PDE1C: variants seen among roughly 807,000 people sequenced by gnomAD.
The protein encoded by PDE1C is phosphodiesterase 1C.
PDE1C carries 62 observed loss-of-function variants against 93.1 expected under a neutral mutation model. The ratio of observed to expected loss-of-function variants is 0.67; its 90% confidence interval spans 0.54 to 0.82. PDE1C has a LOEUF of 0.82. PDE1C is among the 40% of genes least tolerant of loss of function. The pLI, the probability that PDE1C is intolerant of heterozygous loss-of-function variation, is 0.00. For synonymous variants in PDE1C, 325 were observed against 310.1 expected, an observed-to-expected ratio of 1.05 and a Z score of -0.50; for missense variants, 742 against 884.6, an observed-to-expected ratio of 0.84 and a Z score of 2.04.
At chr7:32,119,442 C>A (rs1799166763) in intron 3 of PDE1C, among the ~76,000 whole-genome samples, 1 of 152,162 alleles carries the variant, frequency 6.6e-6, no homozygotes, top group Non-Finnish European at 1.5e-5. Context: ...TACAGCAAGG[C>A]TGGTAAACTT....
At chr7:31,663,683 T>C in the PDE1C span, among the ~76,000 whole-genome samples, 19 of 152,342 alleles carry the variant, frequency 1.2e-4, no homozygotes, top group East Asian at 3.7e-3. Context: ...ATAGCATGTA[T>C]TTATGCCATC....
chr7:31,968,745 C>G (rs548182506), intron 2 of PDE1C, among the ~76,000 whole-genome samples: 4 of 152,314 alleles, frequency 2.6e-5, no homozygotes, highest in Admixed American at 2.6e-4. Flanking sequence ...CAGCATGGTA[C>G]TGGTACTGAA....
At chr7:31,661,246 G>C in the PDE1C span, among the ~76,000 whole-genome samples, 1 of 152,034 alleles carries the variant, frequency 6.6e-6, no homozygotes, top group Non-Finnish European at 1.5e-5. Context: ...ATAAAACAAT[G>C]TCAATTAGAA....
chr7:31,651,974 C>A, the PDE1C span: 3 of 1,604,216 alleles, frequency 1.9e-6, no homozygotes, highest in African/African-American at 1.3e-5. Flanking sequence ...TTACGTGAGG[C>A]CCTGAGGCAG....
upstream of PDE1C, chr7:32,070,889 C>T: frequency 1.0e-6 from 1 of 985,622 alleles, no homozygotes; most frequent in Non-Finnish European, 1.2e-6. Context: ...CTGACCCGGA[C>T]GCCGCGCACC....
At chr7:32,099,933 A>G (rs1362627280) in intron 3 of PDE1C, among the ~76,000 whole-genome samples, 1 of 150,328 alleles carries the variant, frequency 6.7e-6, no homozygotes, top group African/African-American at 2.5e-5. Context: ...CCATGCCCCC[A>G]CCCCTCATTG....
At chr7:32,072,697 G>A (rs1241686968), upstream of PDE1C, among the ~76,000 whole-genome samples, 1 of 152,182 alleles carries the variant, frequency 6.6e-6, no homozygotes, top group Non-Finnish European at 1.5e-5. Flanking sequence ...TAATACTCGA[G>A]ACTATTCTAT....
the PDE1C span, among the ~76,000 whole-genome samples, chr7:31,708,968 T>C: frequency 6.6e-6 from 1 of 152,198 alleles, no homozygotes; most frequent in Non-Finnish European, 1.5e-5. Flanking sequence ...GGTTGAGGCA[T>C]AATTGGTGAA....
At chr7:31,988,637 G>C (rs1783720301) in intron 2 of PDE1C, among the ~76,000 whole-genome samples, 1 of 152,086 alleles carries the variant, frequency 6.6e-6, no homozygotes, top group African/African-American at 2.4e-5. Flanking sequence ...AAGAGAATCA[G>C]GCTTGAGCCC....
chr7:31,957,521 A>G (rs765632798), intron 2 of PDE1C, among the ~76,000 whole-genome samples: 1 of 152,204 alleles, frequency 6.6e-6, no homozygotes, highest in South Asian at 2.1e-4. Flanking sequence ...GACAATAGGA[A>G]GTGACTCAGC....
chr7:32,067,681 C>T (rs58814922), intron 1 of PDE1C, among the ~76,000 whole-genome samples: 10,898 of 152,242 alleles, frequency 0.072, 431 homozygotes, highest in African/African-American at 0.084. Context: ...GCCCATTTCC[C>T]ACCTCAGTTT....
the PDE1C span, among the ~76,000 whole-genome samples, chr7:31,740,003 C>T: frequency 3.9e-5 from 6 of 152,208 alleles, no homozygotes; most frequent in African/African-American, 7.2e-5. Context: ...CTGGCCTACA[C>T]GTTCATGCAG....
chr7:31,734,460 A>T, the PDE1C span, among the ~76,000 whole-genome samples: 4 of 152,190 alleles, frequency 2.6e-5, no homozygotes, highest in East Asian at 7.7e-4. Context: ...AAGCCCCTGC[A>T]CCAAGGAGCC....
downstream of PDE1C, among the ~76,000 whole-genome samples, chr7:31,748,245 G>A (rs1242700573): frequency 1.3e-5 from 2 of 152,182 alleles, no homozygotes; most frequent in African/African-American, 4.8e-5. Context: ...TTTCTCTCTT[G>A]TTATATTTAT....
the PDE1C span, chr7:31,697,188 C>A: frequency 6.4e-7 from 1 of 1,558,300 alleles, no homozygotes. Flanking sequence ...ATCTGGAGGT[C>A]CCCAGGGCCT....
chr7:32,040,957 C>G (rs916177806), intron 2 of PDE1C, among the ~76,000 whole-genome samples: 1 of 152,132 alleles, frequency 6.6e-6, no homozygotes, highest in African/African-American at 2.4e-5. Flanking sequence ...CCTCACAGAG[C>G]CCCTGAAGAA....
At chr7:31,818,679 G>GAAA (rs1788575585) in intron 14 of PDE1C, among the ~76,000 whole-genome samples, 1 of 152,054 alleles carries the variant, frequency 6.6e-6, no homozygotes, top group Admixed American at 6.6e-5. Context: ...GTAAAAAGAT[G>GAAA]ACTATTTTTA....
intron 1 of PDE1C, among the ~76,000 whole-genome samples, chr7:32,412,348 T>A (rs1393956144): frequency 6.6e-6 from 1 of 150,752 alleles, no homozygotes; most frequent in Non-Finnish European, 1.5e-5. Flanking sequence ...CCCAGTTACT[T>A]GGGAGGCTGA....
chr7:32,183,193 A>T (rs1265104820), intron 2 of PDE1C, among the ~76,000 whole-genome samples: 1 of 152,214 alleles, frequency 6.6e-6, no homozygotes, highest in South Asian at 2.1e-4. Context: ...CATGGATAGG[A>T]AGAATCAATA....
Sources: allele counts gnomAD v4.1 joint callset (sites outside exome capture counted in the v4.1 genomes callset), GRCh38; gene constraint gnomAD v4.1.1; transcripts MANE v1.5; gene names NCBI Gene and HGNC (gene_info 2026-07-23, HGNC 2026-07-21).